Variants in APOD observed in about 807,000 individuals in gnomAD.
APOD encodes the protein apolipoprotein D.
Under a neutral mutation model 20.4 loss-of-function variants are expected in APOD, and 22 were observed. The observed-to-expected ratio is 1.08, with a 90% CI of 0.77 to 1.54. APOD has a LOEUF of 1.54. APOD is among the 40% of genes most tolerant of loss of function. The pLI is 0.00. For missense variants in APOD, 223 were observed against 229.6 expected (o/e 0.97, Z 0.19); for synonymous variants, 97 against 92.4 (o/e 1.05, Z -0.29).
intron 2 of APOD, among the ~76,000 whole-genome samples, chr3:195,574,665 C>G (rs1288370341): frequency 1.3e-5 from 2 of 152,192 alleles, no homozygotes; most frequent in Admixed American, 1.3e-4. Flanking sequence ...AGCAATTTCA[C>G]TTCTGGGAAT....
rs576538932 is a variant in APOD at position 195,582,208 on chromosome 3, A to G, written c.-35+1670T>C. Among the ~76,000 whole-genome samples, 4 of 152,238 alleles carry G rather than the reference A, an allele frequency of 2.6e-5. No homozygotes were observed. The East Asian group carries it at 7.7e-4, about 29-fold the overall frequency. On this transcript the variant is annotated intron_variant, in intron 1 of 4. Transcript: ENST00000343267. ...AAACTCCGTCTCAAAACAAGCAAAC[A>G]AACAACAACAACAAAAAAACTCCTT...
intron 1 of APOD, among the ~76,000 whole-genome samples, chr3:195,583,609 C>T (rs760391999): frequency 6.6e-6 from 1 of 152,150 alleles, no homozygotes; most frequent in African/African-American, 2.4e-5. Context: ...AAGCAAAAGA[C>T]GCTGGGATGA....
intron 4 of APOD, 60 bp downstream of exon 4, chr3:195,571,217 C>T: frequency 6.9e-7 from 1 of 1,455,588 alleles, no homozygotes. Context: ...AGCCGGGGCG[C>T]TAGCCTTCAG....
At position 195,579,414 on chromosome 3, in the gene APOD, AC is replaced by A; in HGVS notation, c.47del (p.Gly16ValfsTer24). Reference protein sequence around the residue: ...LLLSALAGLFGAAEGQAFHLG... With the variant: ...LLLSALAGLFXAAEGQAFHLG... ...GATGAAATGCTTGTCCCTCTGCCGC[AC>A]CGAAGAGGCCAGCCAGTGCGGAAAG... is the stretch of plus-strand genomic sequence containing the variant. On this transcript the variant is annotated frameshift_variant, in exon 2 of 5. Coordinates refer to ENST00000343267, the MANE Select transcript of APOD (RefSeq NM_001647.4). LOFTEE classifies it high-confidence loss of function. 6.2e-7 allele frequency: 1 copy of A among 1,614,108 alleles called. No homozygotes were observed.
chr3:195,575,236 C>T (rs1720228933), intron 2 of APOD, among the ~76,000 whole-genome samples: 1 of 152,192 alleles, frequency 6.6e-6, no homozygotes. Context: ...ATCATCAAAC[C>T]TCTCTCTCTT....
chr3:195,573,764 A>T (rs1031109414), intron 3 of APOD, 86 bp downstream of exon 3: 5 of 1,528,336 alleles, frequency 3.3e-6, no homozygotes, highest in Non-Finnish European at 4.4e-6. Flanking sequence ...CAAGGTTCCC[A>T]TCCTCCCTGA....
intron 2 of APOD, 40 bp downstream of exon 2, chr3:195,579,299 C>A (rs1170531815): frequency 6.2e-7 from 1 of 1,612,702 alleles, no homozygotes; most frequent in South Asian, 1.1e-5. Flanking sequence ...CGCTTATTCA[C>A]AGCGGAGGCA....
chr3:195,583,603 A>C (rs968369151), intron 1 of APOD, among the ~76,000 whole-genome samples: 2 of 152,228 alleles, frequency 1.3e-5, no homozygotes, highest in Non-Finnish European at 2.9e-5. Flanking sequence ...AGGGGTAAGC[A>C]AAAGACGCTG....
chr3:195,571,401 C>A (rs371407688), intron 3 of APOD, 36 bp from the exon 4 acceptor site: 1 of 1,572,222 alleles, frequency 6.4e-7, no homozygotes, highest in African/African-American at 1.4e-5. Flanking sequence ...ATACAAAAAA[C>A]GAAAAGAGAA....
rs1560457113 is a variant in APOD at position 195,569,119 on chromosome 3, CG to C, written c.350del (p.Pro117ArgfsTer47). On this transcript the variant is annotated frameshift_variant, in exon 5 of 5. Coordinates refer to ENST00000343267, the MANE Select transcript of APOD (RefSeq NM_001647.4). LOFTEE classifies it high-confidence loss of function. ...VKFSWFMPSA[P>X]YWILATDYEN... Reference sequence around the variant, plus strand: ...CATAGTCGGTGGCCAGGATCCAGTACGGTGCCGATGGCATAACTGAGAACCA... The same window carrying C: ...CATAGTCGGTGGCCAGGATCCAGTACGTGCCGATGGCATAACTGAGAACCA... 3.7e-6 allele frequency: 6 copies of C among 1,614,008 alleles called. No individual in the cohort carries two copies. The highest frequency in any genetic ancestry group is 5.1e-6 in the Non-Finnish European group (6 of 1,179,972).
chr3:195,574,104 A>T (rs1349974280), intron 2 of APOD, 133 bp from the exon 3 acceptor site: 2 of 1,236,394 alleles, frequency 1.6e-6, no homozygotes, highest in African/African-American at 1.5e-5. Context: ...CCCAGTGGCA[A>T]CTGGGCAAGA....
rs1720107901 is a variant in APOD, at chr3:195,568,951, A to G, written c.519T>C (p.Asp173=). ...GGTCTGTGACCGTCATTTTCTTGACATCAATGTTATTAGAAGTCAGGATAT... is the reference window on the plus strand; with the variant it reads ...GGTCTGTGACCGTCATTTTCTTGACGTCAATGTTATTAGAAGTCAGGATAT... The part of the protein sequence containing the change: ...LKNILTSNNI[D]VKKMTVTDQV... The change falls in exon 5 of 5, where the codon GAT becomes GAC. Residue 173 remains aspartate (D), a synonymous_variant. Transcript: ENST00000343267. 1.2e-6 allele frequency: 2 copies of G among 1,614,140 alleles called. No individual in the cohort carries two copies. The highest frequency in any genetic ancestry group is 4.5e-5 in the East Asian group (2 of 44,888).
At chr3:195,580,001 C>T (rs1560046966) in intron 1 of APOD, among the ~76,000 whole-genome samples, 1 of 152,176 alleles carries the variant, frequency 6.6e-6, no homozygotes. Context: ...CACCATCCCT[C>T]CCCCTGCCCT....
intron 2 of APOD, among the ~76,000 whole-genome samples, chr3:195,578,265 G>A (rs889755992): frequency 3.3e-5 from 5 of 152,070 alleles, no homozygotes; most frequent in Admixed American, 1.3e-4. Flanking sequence ...GGATCAGCCT[G>A]TAAGTGGAGC....
In APOD at chr3:195,568,844, G is replaced by T; in HGVS notation, c.*56C>A. The T allele has an allele frequency of 1.5e-6, 2 of 1,346,332 alleles. No individual in the cohort carries two copies. Among genetic ancestry groups the T allele is most frequent in the Non-Finnish European group, 1.1e-6 (1 of 941,968 alleles). The allele number at this position is 1,346,332 out of a possible 1,614,324, so 83.4% of individuals were successfully genotyped here. A position where few individuals can be genotyped will look rare whatever the true frequency, so the allele number is the denominator to read the frequency against. On this transcript the variant is annotated 3_prime_UTR_variant, in exon 5 of 5. Coordinates refer to ENST00000343267, the MANE Select transcript of APOD (RefSeq NM_001647.4). ...GGTTTGTCTTTATGGGGGGGGGGTAGGGGAAAGCGAAGCAGAAGTAACATG... is the reference window on the plus strand; with the variant it reads ...GGTTTGTCTTTATGGGGGGGGGGTATGGGAAAGCGAAGCAGAAGTAACATG...
chr3:195,573,587 T>C (rs1720201382), intron 3 of APOD, among the ~76,000 whole-genome samples: 1 of 152,218 alleles, frequency 6.6e-6, no homozygotes, highest in Admixed American at 6.5e-5. Context: ...ATGGTCTTGA[T>C]GTTCTTTGCT....
rs114601476 is a variant in APOD at position 195,579,815 on chromosome 3, G to C, written c.-34-320C>G. On this transcript the variant is annotated intron_variant, in intron 1 of 4. Transcript: ENST00000343267. ...TCTAGTTCTCCTCAGAATCACCCAC[G>C]GACCTCAAAGTGTCGGCTCAGTAGA... 3.7e-3 allele frequency among the ~76,000 whole-genome samples: 568 copies of C among 152,296 alleles called. 3 individuals carry two copies. The highest frequency in any genetic ancestry group is 0.013 in the African/African-American group (538 of 41,554).
At chr3:195,583,758 G>A (rs541214467) in intron 1 of APOD, 120 bp downstream of exon 1, 10 of 152,300 alleles carry the variant, frequency 6.6e-5, no homozygotes, top group Admixed American at 5.2e-4. Flanking sequence ...TAAAGCTACC[G>A]GCACAAGCTC....
In APOD at chr3:195,579,397, G is replaced by A; in HGVS notation, c.65C>T (p.Ala22Val). Residue 22 changes from alanine (A) to valine (V), a missense_variant, in exon 2 of 5, where the codon GCA becomes GTA. Transcript: ENST00000343267. ...ATTGGGGCACTTCCCAAGATGAAAT[G>A]CTTGTCCCTCTGCCGCACCGAAGAG... ...AGLFGAAEGQ[A>V]FHLGKCPNPP... 1 of 1,614,210 alleles carries A rather than the reference G, an allele frequency of 6.2e-7. No homozygotes were observed.
Sources: gnomAD v4.1 joint callset for allele counts (sites outside exome capture counted in the v4.1 genomes callset) on GRCh38, gnomAD v4.1.1 for gene constraint, MANE v1.5 for transcripts, NCBI Gene and HGNC (gene_info 2026-07-23, HGNC 2026-07-21) for gene names.